Variants in TMC1 observed in about 807,000 individuals in gnomAD.
TMC1 encodes the protein transmembrane channel-like protein 1.
TMC1 carries 84 observed loss-of-function variants against 105.8 expected under a neutral mutation model. The ratio of observed to expected loss-of-function variants is 0.79; its 90% CI spans 0.67 to 0.95. The LOEUF (loss-of-function observed/expected upper bound fraction) is 0.95, where lower values mean the gene tolerates loss of function less well. Among genes scored for constraint, TMC1 ranks in the 40% least tolerant of loss-of-function variants. The pLI is 0.00. For synonymous variants in TMC1, 315 were observed against 311.5 expected (o/e 1.01, Z -0.12); for missense variants, 817 against 914.1 (o/e 0.89, Z 1.37).
At chr9:72,793,602 C>T (rs934915030) in intron 17 of TMC1, among the ~76,000 whole-genome samples, 10 of 152,298 alleles carry the variant, frequency 6.6e-5, no homozygotes, top group African/African-American at 1.9e-4. Context: ...CCTACAGGTG[C>T]GTTTGGGCCA....
chr9:72,665,103 A>G (rs1433807738), intron 5 of TMC1, among the ~76,000 whole-genome samples: 1 of 152,122 alleles, frequency 6.6e-6, no homozygotes, highest in Non-Finnish European at 1.5e-5. Context: ...TCCCCTTTCA[A>G]TGTCAGTAGG....
At chr9:72,621,380 G>T (rs758591527) in intron 3 of TMC1, among the ~76,000 whole-genome samples, 1 of 152,166 alleles carries the variant, frequency 6.6e-6, no homozygotes, top group Admixed American at 6.5e-5. Flanking sequence ...CTGGGAGTTA[G>T]TGTCTTACAG....
chr9:72,589,033 G>A (rs1437578804), intron 2 of TMC1, among the ~76,000 whole-genome samples: 2 of 152,160 alleles, frequency 1.3e-5, no homozygotes, highest in African/African-American at 2.4e-5. Flanking sequence ...GCTTCCCAAA[G>A]TGCTGGGATT....
chr9:72,726,636 A>G lies in TMC1; in HGVS notation c.363-13483A>G, dbSNP rs113725044. On this transcript the variant is annotated intron_variant, in intron 8 of 23. Transcript: ENST00000297784. ...TTACCTGGTAGTCCTAGTGATTTGC[A>G]GAGCTCACTGAAATGCCATCGTTTA... 1.2e-3 allele frequency among the ~76,000 whole-genome samples: 190 copies of G among 152,334 alleles called. 1 individual carries two copies. Among genetic ancestry groups the G allele is most frequent in the African/African-American group, 4.4e-3 (182 of 41,578 alleles).
intron 5 of TMC1, chr9:72,655,798 T>A (rs1825875097): frequency 3.2e-6 from 2 of 617,038 alleles, no homozygotes; most frequent in Non-Finnish European, 5.9e-6. Flanking sequence ...TTTTTAATTT[T>A]TCAACTGGTA....
intron 8 of TMC1, among the ~76,000 whole-genome samples, chr9:72,722,077 T>A (rs1344079998): frequency 6.6e-6 from 1 of 152,186 alleles, no homozygotes; most frequent in Non-Finnish European, 1.5e-5. Flanking sequence ...TGTTTTTGAG[T>A]GTCTCCTGTG....
chr9:72,792,189 A>T lies in TMC1; in HGVS notation c.1405-2A>T, dbSNP rs1289646352. The T allele has an allele frequency of 1.9e-6, 3 of 1,614,010 alleles. No individual in the cohort carries two copies. In the African/African-American group the frequency reaches 4.0e-5, roughly 22 times the overall value. ...TTTAGTTTCTATCTCTTTGCTTTCT[A>T]GATTGAAGAGGAGAAGCTAGTAAAG... On this transcript the variant is annotated splice_acceptor_variant, in intron 16 of 23. Coordinates refer to ENST00000297784, the MANE Select transcript of TMC1 (RefSeq NM_138691.3). LOFTEE classifies it high-confidence loss of function.
chr9:72,733,714 T>G (rs1327496190), intron 8 of TMC1, among the ~76,000 whole-genome samples: 1 of 152,148 alleles, frequency 6.6e-6, no homozygotes, highest in Non-Finnish European at 1.5e-5. Context: ...AACTAACCAC[T>G]TATCACACAC....
intron 3 of TMC1, among the ~76,000 whole-genome samples, chr9:72,627,417 A>G (rs1291805926): frequency 6.6e-6 from 1 of 151,988 alleles, no homozygotes; most frequent in African/African-American, 2.4e-5. Context: ...GCGGAAAGAA[A>G]TTTCTCTAGT....
chr9:72,576,876 G>A (rs1366446083), intron 1 of TMC1, among the ~76,000 whole-genome samples: 3 of 151,552 alleles, frequency 2.0e-5, no homozygotes, highest in Non-Finnish European at 4.4e-5. Flanking sequence ...TGATCCACCC[G>A]CCTTGGCTTC....
At chr9:72,623,317 A>G (rs981349322) in intron 3 of TMC1, among the ~76,000 whole-genome samples, 1 of 152,086 alleles carries the variant, frequency 6.6e-6, no homozygotes, top group Non-Finnish European at 1.5e-5. Flanking sequence ...GGGTTTAGAC[A>G]TGTTCTTTCT....
At chr9:72,561,121 A>G (rs1222478874) in intron 1 of TMC1, among the ~76,000 whole-genome samples, 3 of 151,776 alleles carry the variant, frequency 2.0e-5, no homozygotes, top group Non-Finnish European at 1.5e-5. Flanking sequence ...GGAGATTGAG[A>G]CCATCCTGGC....
At chr9:72,572,125 T>TG (rs1824297732) in intron 1 of TMC1, among the ~76,000 whole-genome samples, 1 of 152,122 alleles carries the variant, frequency 6.6e-6, no homozygotes, top group African/African-American at 2.4e-5. Context: ...TGTGAGCCAC[T>TG]GTGCTTGGCC....
chr9:72,826,817 G>A, intron 20 of TMC1, 52 bp from the exon 21 acceptor site: 1 of 1,600,986 alleles, frequency 6.2e-7, no homozygotes, highest in Non-Finnish European at 8.6e-7. Context: ...TTTAACCATG[G>A]TTTTTCCATA....
chr9:72,585,434 G>T (rs1341159833), intron 2 of TMC1, among the ~76,000 whole-genome samples: 1 of 151,828 alleles, frequency 6.6e-6, no homozygotes, highest in Non-Finnish European at 1.5e-5. Context: ...ACAGGCGGGA[G>T]CCACTGCGCC....
At chr9:72,793,125 C>G (rs1828304576) in intron 17 of TMC1, among the ~76,000 whole-genome samples, 1 of 152,164 alleles carries the variant, frequency 6.6e-6, no homozygotes, top group African/African-American at 2.4e-5. Context: ...AGCAGAGCAG[C>G]CACTTAAGCA....
intron 7 of TMC1, among the ~76,000 whole-genome samples, chr9:72,698,453 TCTA>T (rs1214693078): frequency 1.3e-5 from 2 of 152,324 alleles, no homozygotes; most frequent in African/African-American, 4.8e-5. Flanking sequence ...TTGCCTTATT[TCTA>T]CTGTATCTAG....
intron 7 of TMC1, among the ~76,000 whole-genome samples, chr9:72,698,161 A>G (rs536958377): frequency 6.6e-6 from 1 of 152,264 alleles, no homozygotes; most frequent in African/African-American, 2.4e-5. Flanking sequence ...AATAGAAACA[A>G]CCCAATGGCT....
At chr9:72,810,112 A>G (rs1373118546) in intron 18 of TMC1, among the ~76,000 whole-genome samples, 1 of 147,834 alleles carries the variant, frequency 6.8e-6, no homozygotes, top group East Asian at 2.1e-4. Context: ...AGAGATAGAT[A>G]GTGTGGGCAA....
Sources: allele counts gnomAD v4.1 joint callset (sites outside exome capture counted in the v4.1 genomes callset), GRCh38; gene constraint gnomAD v4.1.1; transcripts MANE v1.5; gene names NCBI Gene and HGNC (gene_info 2026-07-23, HGNC 2026-07-21).